Variants in ADGRL2 observed in about 807,000 individuals in gnomAD.
ADGRL2 encodes calcium-independent alpha-latrotoxin receptor 2.
Under a neutral mutation model 157.4 loss-of-function variants are expected in ADGRL2, and 44 were observed. The ratio of observed to expected loss-of-function variants is 0.28; its 90% confidence interval spans 0.22 to 0.36. The LOEUF is 0.36. ADGRL2 is among the 10% of genes least tolerant of loss of function. The pLI, the probability that ADGRL2 is intolerant of heterozygous loss-of-function variation, is 1.00. For missense variants in ADGRL2, 1,510 were observed against 1,768.9 expected, an observed-to-expected ratio of 0.85 and a Z score of 2.63; for synonymous variants, 585 against 624.7, an observed-to-expected ratio of 0.94 and a Z score of 0.95.
chr1:81,377,583 T>C (rs954509736), intron 1 of ADGRL2, among the ~76,000 whole-genome samples: 3 of 152,154 alleles, frequency 2.0e-5, no homozygotes, highest in South Asian at 4.1e-4. Flanking sequence ...TGGAGGCTTA[T>C]ACTACCTCTG....
intron 3 of ADGRL2, among the ~76,000 whole-genome samples, chr1:81,601,637 C>G (rs1270817644): frequency 6.6e-6 from 1 of 152,108 alleles, no homozygotes; most frequent in Non-Finnish European, 1.5e-5. Flanking sequence ...TCTTAACTAA[C>G]AAAAAACAGC....
At position 81,962,265 on chromosome 1, in the gene ADGRL2, CGTGATTGCTTCAT is replaced by C. The variant is rs1424386742; in HGVS notation, c.2018-3790_2018-3778del. Among the ~76,000 whole-genome samples, 3 of 152,074 alleles carry C rather than the reference CGTGATTGCTTCAT, an allele frequency of 2.0e-5. No homozygotes were observed. The East Asian group carries it at 5.8e-4, about 29-fold the overall frequency. ...CGTTATTGTTTTAATTTACAATTTC[CGTGATTGCTTCAT>C]GTTGATTTTTTTAACAGATTTATTA... On this transcript the variant is annotated intron_variant, in intron 11 of 23. Coordinates refer to ENST00000686636, the MANE Select transcript of ADGRL2 (RefSeq NM_001366006.2).
At chr1:81,689,232 C>T (rs745713196) in intron 3 of ADGRL2, among the ~76,000 whole-genome samples, 4 of 152,298 alleles carry the variant, frequency 2.6e-5, no homozygotes, top group East Asian at 1.9e-4. Context: ...TTAAGTTGGC[C>T]GAGATTCTTT....
intron 2 of ADGRL2, among the ~76,000 whole-genome samples, chr1:81,764,870 G>A (rs781125752): frequency 6.6e-6 from 1 of 151,934 alleles, no homozygotes; most frequent in Non-Finnish European, 1.5e-5. Flanking sequence ...AAATAACATT[G>A]AGAGACTTGG....
chr1:81,746,138 A>G (rs908654136), intron 1 of ADGRL2, among the ~76,000 whole-genome samples: 5 of 152,330 alleles, frequency 3.3e-5, no homozygotes, highest in Middle Eastern at 6.8e-3. Flanking sequence ...TATTTCTAAT[A>G]TAATTTGTAA....
chr1:81,512,357 C>G lies in ADGRL2; in HGVS notation c.-248+67268C>G, dbSNP rs138197932. 1.4e-3 allele frequency among the ~76,000 whole-genome samples: 213 copies of G among 152,244 alleles called. 1 individual carries two copies. The highest frequency in any genetic ancestry group is 4.6e-3 in the African/African-American group (190 of 41,554). The stretch of plus-strand genomic sequence containing the variant: ...AAGAAGTGCAAAATCAGAGCTGTGT[C>G]GGAGCAGGGACAATATAATTGTGGT... On this transcript the variant is annotated intron_variant, in intron 2 of 24. Coordinates refer to the ADGRL2 transcript ENST00000370721.
At chr1:81,755,934 C>T (rs1272996961) in intron 1 of ADGRL2, among the ~76,000 whole-genome samples, 2 of 152,126 alleles carry the variant, frequency 1.3e-5, no homozygotes, top group African/African-American at 2.4e-5. Context: ...TAAATAATCT[C>T]ACACCTCAAT....
chr1:81,557,482 G>GAAAGAAAGA (rs370696204), intron 2 of ADGRL2: 2 of 120,062 alleles, frequency 1.7e-5, no homozygotes, highest in Non-Finnish European at 1.7e-5. Context: ...AAGAAAGAAA[G>GAAAGAAAGA]AAGAAAGAAA....
intron 2 of ADGRL2, chr1:81,506,188 G>A (rs1247620811): frequency 6.5e-6 from 1 of 152,870 alleles, no homozygotes; most frequent in African/African-American, 2.4e-5. Flanking sequence ...ACCTTTTAAA[G>A]ACCAAGAGAG....
chr1:81,849,928 C>T (rs2092937778), intron 2 of ADGRL2, among the ~76,000 whole-genome samples: 1 of 151,850 alleles, frequency 6.6e-6, no homozygotes, highest in Non-Finnish European at 1.5e-5. Flanking sequence ...GAATACATTT[C>T]AGTTGAACAC....
chr1:81,332,117 T>G (rs1400360177), intron 1 of ADGRL2, among the ~76,000 whole-genome samples: 2 of 152,142 alleles, frequency 1.3e-5, no homozygotes, highest in African/African-American at 4.8e-5. Flanking sequence ...GATGTCATGA[T>G]AGAAGGTTTC....
chr1:81,864,331 G>A (rs186514403), intron 2 of ADGRL2, among the ~76,000 whole-genome samples: 26 of 151,948 alleles, frequency 1.7e-4, no homozygotes, highest in African/African-American at 5.8e-4. Context: ...TGGCAAATAC[G>A]TATATATTTA....
intron 1 of ADGRL2, chr1:81,427,343 G>C: frequency 1.4e-6 from 1 of 729,864 alleles, no homozygotes; most frequent in South Asian, 1.5e-5. Context: ...TAGTAGAGGG[G>C]GCTATGGTGG....
At chr1:81,930,468 G>T (rs2095205950) in intron 3 of ADGRL2, among the ~76,000 whole-genome samples, 1 of 152,028 alleles carries the variant, frequency 6.6e-6, no homozygotes, top group Admixed American at 6.5e-5. Context: ...TTAATATTGA[G>T]ACCTGAGAAC....
chr1:81,734,894 A>C (rs1025037084), intron 1 of ADGRL2, among the ~76,000 whole-genome samples: 1 of 144,500 alleles, frequency 6.9e-6, no homozygotes, highest in Non-Finnish European at 1.5e-5. Context: ...TTAGCCAGGC[A>C]TGGTGGTGCA....
intron 2 of ADGRL2, among the ~76,000 whole-genome samples, chr1:81,521,956 A>G (rs965136939): frequency 2.7e-5 from 4 of 148,962 alleles, no homozygotes; most frequent in African/African-American, 1.0e-4. Context: ...TGTATAATAA[A>G]TGTACTTTTT....
chr1:81,919,848 A>G (rs1251442295), intron 3 of ADGRL2, among the ~76,000 whole-genome samples: 1 of 152,186 alleles, frequency 6.6e-6, no homozygotes, highest in Non-Finnish European at 1.5e-5. Flanking sequence ...CAAATATATT[A>G]TCTAATAAGT....
chr1:81,513,538 T>C (rs528633049), intron 2 of ADGRL2, among the ~76,000 whole-genome samples: 2 of 152,316 alleles, frequency 1.3e-5, no homozygotes, highest in South Asian at 4.1e-4. Context: ...GAAGGACTAG[T>C]ATCTTCATGT....
chr1:81,838,304 A>G (rs1162239088), intron 2 of ADGRL2, among the ~76,000 whole-genome samples: 2 of 152,088 alleles, frequency 1.3e-5, no homozygotes, highest in Non-Finnish European at 2.9e-5. Flanking sequence ...AAATTTAGAA[A>G]TACTTAAAAT....
Sources: allele counts gnomAD v4.1 joint callset (sites outside exome capture counted in the v4.1 genomes callset), GRCh38; gene constraint gnomAD v4.1.1; transcripts MANE v1.5; gene names NCBI Gene and HGNC (gene_info 2026-07-23, HGNC 2026-07-21).